Variants in SPOCK1 observed in about 807,000 individuals in gnomAD.
The protein encoded by SPOCK1 is testican-1.
A neutral mutation model predicts 55.3 loss-of-function variants in SPOCK1; 23 were observed. The ratio of observed to expected loss-of-function variants is 0.42; its 90% CI spans 0.30 to 0.59. The LOEUF (loss-of-function observed/expected upper bound fraction) is 0.59. Ranked by LOEUF, SPOCK1 falls within the 20% of genes least tolerant of loss-of-function variation. The pLI is 0.22. For synonymous variants in SPOCK1, 226 were observed against 221.0 expected (o/e 1.02, Z -0.20); for missense variants, 499 against 552.5 (o/e 0.90, Z 0.97).
intron 2 of SPOCK1, among the ~76,000 whole-genome samples, chr5:137,282,029 TCA>T (rs1161115602): frequency 6.6e-6 from 1 of 152,250 alleles, no homozygotes; most frequent in Non-Finnish European, 1.5e-5. Flanking sequence ...TTCCTAGGCT[TCA>T]GTTTCCTCAT....
chr5:137,259,633 T>TATA (rs1258036490), intron 3 of SPOCK1, among the ~76,000 whole-genome samples: 5 of 130,106 alleles, frequency 3.8e-5, no homozygotes, highest in Non-Finnish European at 8.2e-5. Flanking sequence ...GAACTTAAAG[T>TATA]ATAATAATAA....
In SPOCK1 at chr5:137,470,923, A is replaced by C. The variant is rs184636794; in HGVS notation, c.186+27450T>G. Among the ~76,000 whole-genome samples the C allele has an allele frequency of 6.6e-5, 10 of 152,310 alleles. No homozygotes were observed. The East Asian group carries it at 1.9e-3, about 29-fold the overall frequency. ...GGTTAGTCATCCAACCTTGGGCAAC[A>C]TGGTTAGTGTCCAGGGCCTCAGTCT... On this transcript the variant is annotated intron_variant, in intron 2 of 10. Coordinates refer to ENST00000394945, the MANE Select transcript of SPOCK1 (RefSeq NM_004598.4).
intron 2 of SPOCK1, among the ~76,000 whole-genome samples, chr5:137,462,299 C>T (rs995281806): frequency 6.6e-6 from 1 of 152,258 alleles, no homozygotes; most frequent in Non-Finnish European, 1.5e-5. Context: ...GCAGGAACCA[C>T]ATCTGCTTTT....
intron 3 of SPOCK1, among the ~76,000 whole-genome samples, chr5:137,211,354 A>T (rs1755611501): frequency 6.6e-6 from 1 of 152,198 alleles, no homozygotes. Flanking sequence ...AATACAGGGC[A>T]CCTACCTCAA....
At chr5:137,319,907 T>C (rs1473890082) in intron 2 of SPOCK1, among the ~76,000 whole-genome samples, 1 of 134,114 alleles carries the variant, frequency 7.5e-6, no homozygotes, top group Non-Finnish European at 1.5e-5. Context: ...ATTGCGCCAC[T>C]GCAGTCCGCA....
At chr5:137,163,637 A>G (rs1754599188) in intron 3 of SPOCK1, among the ~76,000 whole-genome samples, 1 of 152,188 alleles carries the variant, frequency 6.6e-6, no homozygotes, top group Non-Finnish European at 1.5e-5. Flanking sequence ...ATAGATGCAA[A>G]AACTTGGGTT....
intron 2 of SPOCK1, among the ~76,000 whole-genome samples, chr5:137,475,258 A>G (rs1172662457): frequency 6.6e-6 from 1 of 152,182 alleles, no homozygotes; most frequent in Non-Finnish European, 1.5e-5. Flanking sequence ...AACCTGCCTG[A>G]ACCCTTGAAA....
intron 2 of SPOCK1, among the ~76,000 whole-genome samples, chr5:137,443,303 T>C (rs35648355): frequency 1.3e-5 from 2 of 152,300 alleles, no homozygotes; most frequent in East Asian, 3.9e-4. Context: ...ATTCCTGCCA[T>C]GCCCTTAGGT....
chr5:136,979,479 C>T lies in SPOCK1; in HGVS notation c.992-10G>A. ...CGAGGTATGAAGGCCCCTGGGGGAA[C>T]AAAAGGTGCAACTTTAATCAGAGAC... On this transcript the variant is annotated splice_polypyrimidine_tract_variant and intron_variant, in intron 9 of 10. Transcript: ENST00000394945. 2 of 1,608,584 alleles carry T rather than the reference C, an allele frequency of 1.2e-6. No homozygotes were observed. The highest frequency in any genetic ancestry group is 1.7e-6 in the Non-Finnish European group (2 of 1,178,398).
intron 2 of SPOCK1, among the ~76,000 whole-genome samples, chr5:137,306,248 G>T (rs1048922579): frequency 6.6e-6 from 1 of 152,226 alleles, no homozygotes; most frequent in Non-Finnish European, 1.5e-5. Context: ...GGCACAACCT[G>T]CCAGTTATCA....
chr5:137,205,657 G>C (rs1221907248), intron 3 of SPOCK1, among the ~76,000 whole-genome samples: 1 of 152,178 alleles, frequency 6.6e-6, no homozygotes, highest in Non-Finnish European at 1.5e-5. Flanking sequence ...CTCAGTTTTA[G>C]AGAAGATGCA....
At chr5:137,389,721 C>G (rs1465138357) in intron 2 of SPOCK1, among the ~76,000 whole-genome samples, 6 of 152,198 alleles carry the variant, frequency 3.9e-5, no homozygotes, top group Non-Finnish European at 7.3e-5. Flanking sequence ...TGAATCAAGT[C>G]CCTCATGGTT....
intron 6 of SPOCK1, among the ~76,000 whole-genome samples, chr5:137,042,547 C>T (rs1752020444): frequency 6.6e-6 from 1 of 152,108 alleles, no homozygotes; most frequent in Non-Finnish European, 1.5e-5. Context: ...AGGTGCTGAC[C>T]TGTGTAGTTT....
At chr5:137,364,190 G>A (rs908852529) in intron 2 of SPOCK1, among the ~76,000 whole-genome samples, 1 of 152,186 alleles carries the variant, frequency 6.6e-6, no homozygotes, top group African/African-American at 2.4e-5. Context: ...TGCCTCACTG[G>A]AGAAGGACAG....
chr5:137,494,603 C>A (rs1044295216), intron 2 of SPOCK1, among the ~76,000 whole-genome samples: 2 of 152,184 alleles, frequency 1.3e-5, no homozygotes, highest in African/African-American at 2.4e-5. Flanking sequence ...ATGTTTTAAT[C>A]TTTTAGTTAC....
At chr5:137,145,688 G>T (rs1252892370) in intron 3 of SPOCK1, among the ~76,000 whole-genome samples, 2 of 152,324 alleles carry the variant, frequency 1.3e-5, no homozygotes, top group East Asian at 3.9e-4. Context: ...CTCTCCAGGG[G>T]TTCACCGTTG....
chr5:137,422,954 T>A (rs1231096738), intron 2 of SPOCK1, among the ~76,000 whole-genome samples: 2 of 152,190 alleles, frequency 1.3e-5, no homozygotes, highest in Non-Finnish European at 2.9e-5. Context: ...GACGTACAGA[T>A]GGGGTTTTGG....
chr5:137,280,789 C>A (rs1405495928), intron 2 of SPOCK1, among the ~76,000 whole-genome samples: 1 of 152,068 alleles, frequency 6.6e-6, no homozygotes, highest in African/African-American at 2.4e-5. Flanking sequence ...AACAGAAAAA[C>A]AATATGAAAG....
chr5:137,278,321 G>A (rs1303530016), intron 2 of SPOCK1, among the ~76,000 whole-genome samples: 1 of 152,182 alleles, frequency 6.6e-6, no homozygotes, highest in Non-Finnish European at 1.5e-5. Flanking sequence ...CTCCAAGCCT[G>A]TGCTGTCTTG....
Sources: allele counts gnomAD v4.1 joint callset (sites outside exome capture counted in the v4.1 genomes callset), GRCh38; gene constraint gnomAD v4.1.1; transcripts MANE v1.5; gene names NCBI Gene and HGNC (gene_info 2026-07-23, HGNC 2026-07-21).